DLG2: variants seen among roughly 807,000 people sequenced by gnomAD.
The protein encoded by DLG2 is disks large homolog 2.
A neutral mutation model predicts 132.5 loss-of-function variants in DLG2; 45 were observed. That is an observed-to-expected ratio of 0.34 (90% CI 0.27 to 0.44). DLG2 has a LOEUF of 0.44. DLG2 is among the 20% of genes least tolerant of loss of function. The pLI, the probability that DLG2 is intolerant of heterozygous loss-of-function variation, is 1.00. For missense variants in DLG2, 1,045 were observed against 1,196.9 expected, an observed-to-expected ratio of 0.87 and a Z score of 1.87; for synonymous variants, 424 against 419.6, an observed-to-expected ratio of 1.01 and a Z score of -0.13.
chr11:84,870,708 A>G (rs370098246), intron 6 of DLG2, among the ~76,000 whole-genome samples: 58 of 152,334 alleles, frequency 3.8e-4, no homozygotes, highest in African/African-American at 1.3e-3. Context: ...ATTTACATAT[A>G]CACATACCTT....
At chr11:84,922,006 A>G (rs905299399) in intron 6 of DLG2, among the ~76,000 whole-genome samples, 1 of 152,190 alleles carries the variant, frequency 6.6e-6, no homozygotes, top group Non-Finnish European at 1.5e-5. Context: ...CAAAACATAA[A>G]TACCTACCTG....
intron 9 of DLG2, among the ~76,000 whole-genome samples, chr11:84,138,248 T>C (rs1311515673): frequency 1.3e-5 from 2 of 152,140 alleles, no homozygotes; most frequent in Non-Finnish European, 2.9e-5. Context: ...GGTAATACAA[T>C]GGATGGATTT....
chr11:83,493,929 A>G (rs2094009064), intron 21 of DLG2, among the ~76,000 whole-genome samples: 1 of 152,144 alleles, frequency 6.6e-6, no homozygotes, highest in Non-Finnish European at 1.5e-5. Flanking sequence ...ATAATATTCA[A>G]TCTAAAGAGA....
chr11:85,269,557 A>C (rs1469611485), intron 4 of DLG2, among the ~76,000 whole-genome samples: 4 of 152,216 alleles, frequency 2.6e-5, no homozygotes, highest in African/African-American at 9.6e-5. Flanking sequence ...GCTAAATAAT[A>C]GTACCAATTT....
At chr11:84,033,096 C>G (rs1282836991) in intron 11 of DLG2, among the ~76,000 whole-genome samples, 1 of 152,166 alleles carries the variant, frequency 6.6e-6, no homozygotes, top group African/African-American at 2.4e-5. Context: ...AACACGATAT[C>G]CATTCTACAG....
At chr11:85,102,669 G>A (rs2071070810) in intron 6 of DLG2, among the ~76,000 whole-genome samples, 1 of 151,960 alleles carries the variant, frequency 6.6e-6, no homozygotes, top group Non-Finnish European at 1.5e-5. Context: ...AAATTGCACA[G>A]TTAACATCAT....
intron 3 of DLG2, among the ~76,000 whole-genome samples, chr11:85,382,329 A>G (rs1465509952): frequency 2.6e-5 from 4 of 152,154 alleles, no homozygotes; most frequent in African/African-American, 7.2e-5. Flanking sequence ...AAAGGAATCA[A>G]TTTGAACCTT....
chr11:84,560,028 G>A (rs116460482), intron 6 of DLG2, among the ~76,000 whole-genome samples: 71 of 152,132 alleles, frequency 4.7e-4, no homozygotes, highest in African/African-American at 1.7e-3. Context: ...TAGGTATGCT[G>A]GAGTATCTTG....
chr11:85,173,463 C>T lies in DLG2; in HGVS notation c.187-18812G>A, dbSNP rs2079014291. Among the ~76,000 whole-genome samples, 3 of 152,086 alleles carry T rather than the reference C, an allele frequency of 2.0e-5. No individual in the cohort carries two copies. In the South Asian group the frequency reaches 6.2e-4, roughly 32 times the overall value. On this transcript the variant is annotated intron_variant, in intron 4 of 27. Coordinates refer to ENST00000376104, the MANE Select transcript of DLG2 (RefSeq NM_001142699.3). Reference sequence around the variant, plus strand: ...CCATCAGGCCTGCCTTGCAAGAGTTCCTGAAGGAAGCACTAAATATGGAAA... The same window carrying T: ...CCATCAGGCCTGCCTTGCAAGAGTTTCTGAAGGAAGCACTAAATATGGAAA...
chr11:84,368,817 ATG>A (rs2098694518), intron 7 of DLG2, among the ~76,000 whole-genome samples: 1 of 152,168 alleles, frequency 6.6e-6, no homozygotes, highest in African/African-American at 2.4e-5. Flanking sequence ...TTTTAATTTT[ATG>A]TGTTTGAAAC....
At chr11:83,550,429 G>A (rs1250107428) in intron 19 of DLG2, among the ~76,000 whole-genome samples, 1 of 152,132 alleles carries the variant, frequency 6.6e-6, no homozygotes, top group Non-Finnish European at 1.5e-5. Flanking sequence ...AGTCTCCAGG[G>A]ACGGGGCCCA....
chr11:84,369,307 T>C (rs2098696858), intron 7 of DLG2, among the ~76,000 whole-genome samples: 1 of 152,160 alleles, frequency 6.6e-6, no homozygotes, highest in East Asian at 1.9e-4. Flanking sequence ...TTTAAACCAC[T>C]GTGCTACTCT....
At chr11:85,030,828 TTTA>T (rs1346564304) in intron 6 of DLG2, among the ~76,000 whole-genome samples, 2 of 152,126 alleles carry the variant, frequency 1.3e-5, no homozygotes, top group African/African-American at 4.8e-5. Context: ...TTGTTCCTTT[TTTA>T]TTTTCTTCAG....
intron 6 of DLG2, among the ~76,000 whole-genome samples, chr11:84,600,533 G>A (rs148669385): frequency 2.9e-4 from 44 of 152,280 alleles, no homozygotes; most frequent in African/African-American, 1.1e-3. Flanking sequence ...AACTTGTTCT[G>A]TAACACAAGC....
intron 6 of DLG2, among the ~76,000 whole-genome samples, chr11:84,743,322 T>C (rs925861934): frequency 3.3e-5 from 5 of 152,210 alleles, no homozygotes; most frequent in Non-Finnish European, 7.4e-5. Context: ...CAAGAAGTTA[T>C]CTATTGATTT....
intron 19 of DLG2, among the ~76,000 whole-genome samples, chr11:83,624,495 AT>A (rs2062158271): frequency 1.3e-5 from 2 of 152,236 alleles, no homozygotes; most frequent in African/African-American, 4.8e-5. Context: ...AAGAGTAAGC[AT>A]TATGCTAATG....
At chr11:84,869,003 G>A (rs953629986) in intron 6 of DLG2, among the ~76,000 whole-genome samples, 1 of 152,150 alleles carries the variant, frequency 6.6e-6, no homozygotes, top group Non-Finnish European at 1.5e-5. Flanking sequence ...TAAAGGATGT[G>A]ATATGAAAAA....
chr11:83,550,022 G>A lies in DLG2; in HGVS notation c.1941-8164C>T, dbSNP rs185778128. 2.0e-5 allele frequency among the ~76,000 whole-genome samples: 3 copies of A among 152,300 alleles called. No homozygotes were observed. In the East Asian group the frequency reaches 5.8e-4, roughly 29 times the overall value. ...TTTTATCGAAGGGAAGATTTATTAT[G>A]TTCTGTGGATTGTATGACATGGGTT... On this transcript the variant is annotated intron_variant, in intron 19 of 27. Coordinates refer to ENST00000376104, the MANE Select transcript of DLG2 (RefSeq NM_001142699.3).
At chr11:85,339,890 G>A (rs75704970) in intron 3 of DLG2, among the ~76,000 whole-genome samples, 1,556 of 152,276 alleles carry the variant, frequency 0.01, 20 homozygotes, top group African/African-American at 0.034. Context: ...ATGAAAAAAT[G>A]CTCATCATCA....
Sources: allele counts gnomAD v4.1 joint callset (sites outside exome capture counted in the v4.1 genomes callset), GRCh38; gene constraint gnomAD v4.1.1; transcripts MANE v1.5; gene names NCBI Gene and HGNC (gene_info 2026-07-23, HGNC 2026-07-21).